PCLO: variants seen among roughly 807,000 people sequenced by gnomAD.
The protein encoded by PCLO is protein piccolo.
A neutral mutation model predicts 427.5 loss-of-function variants in PCLO; 82 were observed. The ratio of observed to expected loss-of-function variants is 0.19; its 90% CI spans 0.16 to 0.23. The LOEUF (loss-of-function observed/expected upper bound fraction) is 0.23. Among genes scored for constraint, PCLO ranks in the 10% least tolerant of loss-of-function variants. The pLI is 1.00. For missense variants in PCLO, 6,239 were observed against 6,115.9 expected, an observed-to-expected ratio of 1.02 and a Z score of -0.67; for synonymous variants, 2,357 against 2,155.4, an observed-to-expected ratio of 1.09 and a Z score of -2.59.
intron 7 of PCLO, 47 bp downstream of exon 7, chr7:82,914,639 A>G (rs772169552): frequency 3.2e-6 from 5 of 1,581,442 alleles, no homozygotes; most frequent in South Asian, 2.2e-5. Context: ...CAGAAAAATA[A>G]GAGTTTGAGT....
At chr7:82,803,451 T>C (rs1791399828) in intron 21 of PCLO, among the ~76,000 whole-genome samples, 1 of 152,140 alleles carries the variant, frequency 6.6e-6, no homozygotes, top group Non-Finnish European at 1.5e-5. Context: ...CTTTATATGT[T>C]AATGGTGATA....
At chr7:83,070,152 G>GA (rs1410368417) in intron 3 of PCLO, among the ~76,000 whole-genome samples, 12 of 152,096 alleles carry the variant, frequency 7.9e-5, no homozygotes, top group Admixed American at 4.6e-4. Flanking sequence ...AGCCATATTG[G>GA]AAAAAACTCT....
At chr7:83,116,601 C>A (rs1302976629) in intron 3 of PCLO, among the ~76,000 whole-genome samples, 7 of 152,144 alleles carry the variant, frequency 4.6e-5, no homozygotes, top group South Asian at 2.1e-4. Context: ...AGGTAACTAA[C>A]ATATGTTTGA....
chr7:83,131,299 C>G (rs116193013), intron 3 of PCLO, among the ~76,000 whole-genome samples: 1 of 152,268 alleles, frequency 6.6e-6, no homozygotes, highest in African/African-American at 2.4e-5. Context: ...TGAGGTCTGG[C>G]TGCACCCCAG....
chr7:82,873,885 G>A (rs745439083), intron 10 of PCLO, among the ~76,000 whole-genome samples: 1 of 151,960 alleles, frequency 6.6e-6, no homozygotes, highest in Non-Finnish European at 1.5e-5. Context: ...TAAATTTAAA[G>A]CAAAGTAACA....
chr7:82,764,426 G>T (rs1790491343), intron 22 of PCLO, among the ~76,000 whole-genome samples: 1 of 151,850 alleles, frequency 6.6e-6, no homozygotes, highest in Non-Finnish European at 1.5e-5. Flanking sequence ...AAAATAAAAT[G>T]CAGAGTTGAG....
intron 6 of PCLO, among the ~76,000 whole-genome samples, chr7:82,947,865 T>C (rs1288078085): frequency 6.6e-6 from 1 of 151,968 alleles, no homozygotes; most frequent in Admixed American, 6.5e-5. Context: ...GTGAATACTT[T>C]GTGAGGAAAA....
chr7:82,932,980 G>GTATGTTTTGT (rs1183583778), intron 6 of PCLO, among the ~76,000 whole-genome samples: 1 of 151,874 alleles, frequency 6.6e-6, no homozygotes, highest in Admixed American at 6.6e-5. Flanking sequence ...GTATGTTTTT[G>GTATGTTTTGT]ACAGTCCCTT....
rs1194879859 is a variant in PCLO, at chr7:82,781,964, G to A, written c.15007+19554C>T. On this transcript the variant is annotated intron_variant, in intron 22 of 24. Coordinates refer to ENST00000333891, the MANE Select transcript of PCLO (RefSeq NM_033026.6). Reference sequence around the variant, plus strand: ...TTGCCCTGCACATCTCTTCATCTGTGTCCTTGATAGTAAACCTGTAAACAT... The same window carrying A: ...TTGCCCTGCACATCTCTTCATCTGTATCCTTGATAGTAAACCTGTAAACAT... Among the ~76,000 whole-genome samples the A allele has an allele frequency of 2.6e-5, 4 of 152,136 alleles. No individual in the cohort carries two copies. The East Asian group carries it at 5.8e-4, about 22-fold the overall frequency.
intron 14 of PCLO, among the ~76,000 whole-genome samples, chr7:82,840,793 G>C (rs1319573482): frequency 2.6e-5 from 4 of 151,854 alleles, no homozygotes; most frequent in Non-Finnish European, 5.9e-5. Context: ...CTATTTTATA[G>C]TGTTAATTCT....
At chr7:82,965,331 T>G (rs1427105280) in intron 4 of PCLO, among the ~76,000 whole-genome samples, 2 of 149,748 alleles carry the variant, frequency 1.3e-5, no homozygotes, top group Non-Finnish European at 3.0e-5. Context: ...TTTTTTTTTT[T>G]GCAATCACTT....
At chr7:83,114,782 A>C (rs1011223840) in intron 3 of PCLO, among the ~76,000 whole-genome samples, 1 of 152,084 alleles carries the variant, frequency 6.6e-6, no homozygotes, top group Non-Finnish European at 1.5e-5. Context: ...ATTGACTCTA[A>C]GTAGCTTAGT....
Position 82,966,010 on chromosome 7 carries a change from GTTC to G in PCLO, c.3775_3777del (p.Glu1259del), listed in dbSNP as rs1475619452. On this transcript the variant is annotated inframe_deletion, in exon 4 of 25. Coordinates refer to ENST00000333891, the MANE Select transcript of PCLO (RefSeq NM_033026.6). ...TGAGATTTAAGTAAGTCATGTTTCTGTTCTTCTGGGGCTGATGTTTTTGCCTCT... is the reference window on the plus strand; with the variant it reads ...TGAGATTTAAGTAAGTCATGTTTCTGTTCTGGGGCTGATGTTTTTGCCTCT... 6.2e-7 allele frequency: 1 copy of G among 1,613,638 alleles called. No homozygotes were observed. Among genetic ancestry groups the G allele is most frequent in the South Asian group, 1.1e-5 (1 of 91,030 alleles).
At chr7:83,096,448 C>T (rs1007309181) in intron 3 of PCLO, among the ~76,000 whole-genome samples, 1 of 151,766 alleles carries the variant, frequency 6.6e-6, no homozygotes, top group Non-Finnish European at 1.5e-5. Flanking sequence ...AGTGACTTTA[C>T]CTTTGAAATT....
intron 3 of PCLO, among the ~76,000 whole-genome samples, chr7:83,091,706 G>A (rs1277785482): frequency 6.6e-6 from 1 of 152,098 alleles, no homozygotes; most frequent in Non-Finnish European, 1.5e-5. Context: ...TTTGCATTTT[G>A]AGAAAGAAGG....
At chr7:83,144,086 A>G (rs535117716) in intron 2 of PCLO, among the ~76,000 whole-genome samples, 1 of 152,356 alleles carries the variant, frequency 6.6e-6, no homozygotes, top group Admixed American at 6.5e-5. Context: ...TAAGCCAATT[A>G]GTTGCATGTT....
intron 10 of PCLO, among the ~76,000 whole-genome samples, chr7:82,865,185 C>CTT (rs2115941469): frequency 6.6e-6 from 1 of 152,140 alleles, no homozygotes; most frequent in South Asian, 2.1e-4. Flanking sequence ...AATTGAACTG[C>CTT]CACCTGTAGA....
Position 83,135,341 on chromosome 7 carries a change from C to T in PCLO, c.2209G>A (p.Glu737Lys), listed in dbSNP as rs2116618810. Residue 737 changes from glutamate (E) to lysine (K), a missense_variant, in exon 3 of 25, where the codon GAA becomes AAA. By Grantham distance (56) the Glu-to-Lys change is moderately conservative. Around this residue, in one of 5 missense-constraint regions of PCLO, gnomAD observed 4,677 missense variants for 4,468.4 expected, o/e 1.05. Coordinates refer to ENST00000333891, the MANE Select transcript of PCLO (RefSeq NM_033026.6). The part of the protein sequence containing the change: ...DSLSKPAPPK[E>K]PSVPSEQDKA... Reference sequence around the variant, plus strand: ...TCCTGCTCAGATGGGACAGAAGGTTCTTTGGGAGGGGCTGGCTTGGACAAA... The same window carrying T: ...TCCTGCTCAGATGGGACAGAAGGTTTTTTGGGAGGGGCTGGCTTGGACAAA... 6.2e-7 allele frequency: 1 copy of T among 1,613,908 alleles called. No individual in the cohort carries two copies. The highest frequency in any genetic ancestry group is 8.5e-7 in the Non-Finnish European group (1 of 1,179,876).
At position 83,080,788 on chromosome 7, in the gene PCLO, T is replaced by C. The variant is rs962315753; in HGVS notation, c.3300+53462A>G. Among the ~76,000 whole-genome samples the C allele has an allele frequency of 3.0e-4, 46 of 152,226 alleles. 1 individual carries two copies. Among genetic ancestry groups the C allele is most frequent in the African/African-American group, 1.1e-3 (46 of 41,566 alleles). ...TCCCCCTTATCTGTGGGGGGTACTT[T>C]CAAGACTCCCAGTGGATGCCTGAAA... On this transcript the variant is annotated intron_variant, in intron 3 of 24. Transcript: ENST00000333891.
Sources: gnomAD v4.1 joint callset for allele counts (sites outside exome capture counted in the v4.1 genomes callset) on GRCh38, gnomAD v4.1.1 for gene constraint, gnomAD v4.1.1 regional missense constraint, MANE v1.5 for transcripts, NCBI Gene and HGNC (gene_info 2026-07-23, HGNC 2026-07-21) for gene names.